Variants in EPYC observed in about 807,000 individuals in gnomAD.
EPYC encodes dermatan sulfate proteoglycan 3.
Under a neutral mutation model 30.1 loss-of-function variants are expected in EPYC, and 28 were observed. That is an observed-to-expected ratio of 0.93 (90% CI 0.69 to 1.28). EPYC has a LOEUF of 1.28. Ranked by LOEUF, EPYC falls within the 50% of genes most tolerant of loss-of-function variation. The pLI is 0.00. For synonymous variants in EPYC, 144 were observed against 141.4 expected, an observed-to-expected ratio of 1.02 and a Z score of -0.13; for missense variants, 382 against 383.5, an observed-to-expected ratio of 1.00 and a Z score of 0.03.
At chr12:90,981,757 T>A (rs1175469355) in intron 2 of EPYC, among the ~76,000 whole-genome samples, 1 of 152,168 alleles carries the variant, frequency 6.6e-6, no homozygotes, top group Non-Finnish European at 1.5e-5. Flanking sequence ...TACATATTTC[T>A]TGTTGAACAT....
chr12:90,967,847 T>TGGGTG lies in EPYC; in HGVS notation c.798+2196_798+2197insCACCC, dbSNP rs201613521. ...GTAGCCAGGCATGATGGTTCACACC[T>TGGGTG]AAAGTTCTAGCTACTTGGGAGACTA... is the stretch of plus-strand genomic sequence containing the variant. On this transcript the variant is annotated intron_variant, in intron 6 of 6. Transcript: ENST00000261172. Among the ~76,000 whole-genome samples the TGGGTG allele has an allele frequency of 2.7e-3, 417 of 152,224 alleles. 8 individuals carry two copies. In the East Asian group the frequency reaches 0.067, roughly 24 times the overall value.
intron 6 of EPYC, among the ~76,000 whole-genome samples, chr12:90,967,229 G>A (rs970660955): frequency 2.6e-5 from 4 of 151,660 alleles, no homozygotes; most frequent in Admixed American, 6.6e-5. Flanking sequence ...TTTAATATAC[G>A]TATTTACAGC....
At chr12:91,003,996 C>T (rs910951639) in intron 1 of EPYC, among the ~76,000 whole-genome samples, 2 of 152,048 alleles carry the variant, frequency 1.3e-5, no homozygotes, top group Non-Finnish European at 2.9e-5. Flanking sequence ...TAAACTAAGC[C>T]TCTATTTCAG....
chr12:90,967,735 G>T (rs985343967), intron 6 of EPYC, among the ~76,000 whole-genome samples: 23 of 152,176 alleles, frequency 1.5e-4, no homozygotes, highest in Admixed American at 1.5e-3. Context: ...CACTTTGGGA[G>T]GCCAATTCAG....
intron 3 of EPYC, 43 bp from the exon 4 acceptor site, chr12:90,973,023 C>G (rs1325540844): frequency 7.4e-7 from 1 of 1,355,894 alleles, no homozygotes; most frequent in Middle Eastern, 1.9e-4. Flanking sequence ...AGTACCAAAT[C>G]AATTTCTAAG....
At position 90,998,194 on chromosome 12, in the gene EPYC, C is replaced by T. The variant is rs571574213; in HGVS notation, c.165+4207G>A. Among the ~76,000 whole-genome samples the T allele has an allele frequency of 5.3e-5, 8 of 152,136 alleles. No homozygotes were observed. The South Asian group carries it at 1.7e-3, about 32-fold the overall frequency. On this transcript the variant is annotated intron_variant, in intron 2 of 6. Transcript: ENST00000261172. ...GTACCTAGCACATAATAAATGCTCACTTAAGGTTAGCTGTAGTTTATCAGA... is the reference window on the plus strand; with the variant it reads ...GTACCTAGCACATAATAAATGCTCATTTAAGGTTAGCTGTAGTTTATCAGA...
chr12:91,003,566 G>A (rs181075811), intron 1 of EPYC, among the ~76,000 whole-genome samples: 15 of 151,840 alleles, frequency 9.9e-5, no homozygotes, highest in African/African-American at 3.6e-4. Flanking sequence ...GTACTCATTT[G>A]AATACATTTT....
chr12:90,995,735 T>C (rs1289142988), intron 2 of EPYC, among the ~76,000 whole-genome samples: 1 of 151,890 alleles, frequency 6.6e-6, no homozygotes, highest in Non-Finnish European at 1.5e-5. Flanking sequence ...GCCTACATGA[T>C]TGTATATTTT....
chr12:91,002,726 A>C, intron 1 of EPYC, 148 bp from the exon 2 acceptor site: 5 of 613,006 alleles, frequency 8.2e-6, no homozygotes, highest in Non-Finnish European at 8.1e-6. Context: ...ATAACACACA[A>C]AATCATCTGA....
At chr12:90,997,866 C>A (rs182897582) in intron 2 of EPYC, among the ~76,000 whole-genome samples, 1 of 151,862 alleles carries the variant, frequency 6.6e-6, no homozygotes, top group Admixed American at 6.6e-5. Flanking sequence ...TTTTGGGAGT[C>A]GTAGAGTACT....
In EPYC at chr12:90,967,850, A is replaced by G. The variant is rs535199508; in HGVS notation, c.798+2194T>C. ...GCCAGGCATGATGGTTCACACCTAA[A>G]GTTCTAGCTACTTGGGAGACTAGGG... On this transcript the variant is annotated intron_variant, in intron 6 of 6. Transcript: ENST00000261172. Among the ~76,000 whole-genome samples, 416 of 152,268 alleles carry G rather than the reference A, an allele frequency of 2.7e-3. 8 individuals are homozygous for G. The East Asian group carries it at 0.067, about 24-fold the overall frequency.
chr12:90,976,178 A>G (rs1877173180), intron 3 of EPYC, among the ~76,000 whole-genome samples: 1 of 152,242 alleles, frequency 6.6e-6, no homozygotes, highest in East Asian at 1.9e-4. Flanking sequence ...TCAGAGCCTC[A>G]GGAAATGGGG....
chr12:90,997,787 G>A (rs923540299), intron 2 of EPYC, among the ~76,000 whole-genome samples: 3 of 151,968 alleles, frequency 2.0e-5, no homozygotes, highest in Admixed American at 1.3e-4. Flanking sequence ...TTAGATAACA[G>A]AGTCCATTAT....
At chr12:90,985,283 C>T (rs1293597461) in intron 2 of EPYC, among the ~76,000 whole-genome samples, 7 of 152,158 alleles carry the variant, frequency 4.6e-5, no homozygotes. Flanking sequence ...GAAAATCCTT[C>T]TGCCTTCCTC....
Position 90,990,325 on chromosome 12 carries a change from GATA to G in EPYC, c.166-12066_166-12064del, listed in dbSNP as rs565440920. Among the ~76,000 whole-genome samples the G allele has an allele frequency of 6.2e-3, 938 of 152,032 alleles. 3 individuals carry two copies. Among genetic ancestry groups the G allele is most frequent in the Non-Finnish European group, 0.011 (754 of 67,918 alleles). On this transcript the variant is annotated intron_variant, in intron 2 of 6. Coordinates refer to ENST00000261172, the MANE Select transcript of EPYC (RefSeq NM_004950.5). Reference sequence around the variant, plus strand: ...ACTAGTATTTATACATAATGACAATGATAATGATGATGCACATATTATCACAGG... The same window carrying G: ...ACTAGTATTTATACATAATGACAATGATGATGATGCACATATTATCACAGG...
At chr12:90,987,575 C>G (rs1272695233) in intron 2 of EPYC, among the ~76,000 whole-genome samples, 1 of 152,162 alleles carries the variant, frequency 6.6e-6, no homozygotes, top group African/African-American at 2.4e-5. Context: ...TGCCTATGGA[C>G]CTTCATTATA....
intron 1 of EPYC, 111 bp from the exon 2 acceptor site, chr12:91,002,689 C>T (rs900995300): frequency 1.2e-6 from 1 of 805,260 alleles, no homozygotes; most frequent in South Asian, 1.9e-5. Flanking sequence ...AAGCTGGTAG[C>T]TTTCCTTCCA....
chr12:90,972,411 T>G (rs2120807723), intron 4 of EPYC: 1 of 168,448 alleles, frequency 5.9e-6, no homozygotes, highest in South Asian at 1.7e-4. Flanking sequence ...GGCAACAACT[T>G]TAAAGTCAGA....
chr12:90,969,959 T>C, intron 6 of EPYC, 85 bp downstream of exon 6: 1 of 902,706 alleles, frequency 1.1e-6, no homozygotes, highest in East Asian at 2.4e-5. Context: ...AACATGCCAT[T>C]ACAGACAAAT....
Sources: allele counts gnomAD v4.1 joint callset (sites outside exome capture counted in the v4.1 genomes callset), GRCh38; gene constraint gnomAD v4.1.1; transcripts MANE v1.5; gene names NCBI Gene and HGNC (gene_info 2026-07-23, HGNC 2026-07-21).